The following PCSK5 variants were observed in gnomAD, a reference collection of about 807,000 sequenced individuals.
The protein encoded by PCSK5 is prohormone convertase 5.
PCSK5 carries 129 observed loss-of-function variants against 233.2 expected under a neutral mutation model. The observed-to-expected ratio is 0.55, with a 90% CI of 0.48 to 0.64. The LOEUF is 0.64. Ranked by LOEUF, PCSK5 falls within the 30% of genes least tolerant of loss-of-function variation. The pLI, the probability that PCSK5 is intolerant of heterozygous loss-of-function variation, is 0.00. For synonymous variants in PCSK5, 825 were observed against 879.2 expected (o/e 0.94, Z 1.09); for missense variants, 2,076 against 2,430.1 (o/e 0.85, Z 3.06).
intron 5 of PCSK5, among the ~76,000 whole-genome samples, chr9:76,052,029 C>G (rs1829648841): frequency 6.6e-6 from 1 of 152,144 alleles, no homozygotes; most frequent in South Asian, 2.1e-4. Context: ...GCTCAAGTCT[C>G]ACACCAAAAA....
At chr9:76,156,510 T>A (rs1017337159) in intron 10 of PCSK5, among the ~76,000 whole-genome samples, 1 of 152,256 alleles carries the variant, frequency 6.6e-6, no homozygotes, top group African/African-American at 2.4e-5. Context: ...TGTATGTAAG[T>A]TCTTCTTGCA....
intron 8 of PCSK5, among the ~76,000 whole-genome samples, chr9:76,106,741 C>T (rs1394527622): frequency 6.6e-6 from 1 of 152,216 alleles, no homozygotes; most frequent in East Asian, 1.9e-4. Flanking sequence ...GTTCTTTCTA[C>T]AGCAGAGCAT....
chr9:76,258,184 CA>C, intron 24 of PCSK5, among the ~76,000 whole-genome samples: 1 of 152,164 alleles, frequency 6.6e-6, no homozygotes, highest in Non-Finnish European at 1.5e-5. Flanking sequence ...AAAAGTTTAT[CA>C]GTCTCTCCAA....
chr9:76,327,203 C>G (rs778341734), intron 32 of PCSK5, among the ~76,000 whole-genome samples: 2 of 150,960 alleles, frequency 1.3e-5, no homozygotes, highest in Non-Finnish European at 2.9e-5. Flanking sequence ...ACCTCCTGGG[C>G]TCAGGAGATC....
intron 7 of PCSK5, among the ~76,000 whole-genome samples, chr9:76,072,655 T>C (rs894940326): frequency 6.6e-6 from 1 of 152,220 alleles, no homozygotes; most frequent in African/African-American, 2.4e-5. Flanking sequence ...ATTATTGATC[T>C]GGCCCTAACC....
intron 3 of PCSK5, among the ~76,000 whole-genome samples, chr9:75,992,263 C>G (rs942818742): frequency 2.0e-5 from 3 of 152,238 alleles, no homozygotes; most frequent in Non-Finnish European, 2.9e-5. Flanking sequence ...AGGGGTTTCT[C>G]CCTTGTTGGT....
At chr9:76,187,348 A>G (rs1824153298) in intron 17 of PCSK5, among the ~76,000 whole-genome samples, 1 of 152,084 alleles carries the variant, frequency 6.6e-6, no homozygotes, top group Non-Finnish European at 1.5e-5. Context: ...TTCAGTGAAT[A>G]ATATTTTTTA....
chr9:75,924,609 C>G (rs975911364), intron 1 of PCSK5, among the ~76,000 whole-genome samples: 1 of 152,122 alleles, frequency 6.6e-6, no homozygotes, highest in African/African-American at 2.4e-5. Flanking sequence ...CCCCGCCCCC[C>G]ACTCCCAGAG....
chr9:75,903,150 G>A (rs1440936027), intron 1 of PCSK5, among the ~76,000 whole-genome samples: 1 of 152,050 alleles, frequency 6.6e-6, no homozygotes, highest in Non-Finnish European at 1.5e-5. Flanking sequence ...ACAAAGCTGT[G>A]TTCTGAACAT....
chr9:76,066,211 A>G (rs1184529258), intron 5 of PCSK5, among the ~76,000 whole-genome samples: 2 of 152,156 alleles, frequency 1.3e-5, no homozygotes, highest in Non-Finnish European at 2.9e-5. Context: ...GAATCTGTAG[A>G]TTGCTTTGGG....
chr9:76,047,253 T>C lies in PCSK5; in HGVS notation c.632+20216T>C, dbSNP rs754891865. ...CTGGGACTACAGGCGCCCGCCACCA[T>C]GCCCAGCTAACTTTTTGTATTTTTA... On this transcript the variant is annotated intron_variant, in intron 5 of 37. Coordinates refer to ENST00000674117, the MANE Select transcript of PCSK5 (RefSeq NM_001372043.1). Among the ~76,000 whole-genome samples the C allele has an allele frequency of 9.9e-5, 15 of 151,974 alleles. No homozygotes were observed. The South Asian group carries it at 1.9e-3, about 19-fold the overall frequency.
rs1160890088 is a variant in PCSK5 at position 76,205,787 on chromosome 9, C to T, written c.2626+16041C>T. On this transcript the variant is annotated intron_variant, in intron 20 of 37. Coordinates refer to ENST00000674117, the MANE Select transcript of PCSK5 (RefSeq NM_001372043.1). Reference sequence around the variant, plus strand: ...TACTGAATGATTCAAATCAAACTCACTCTCCAGGTAATCGGCAGAATTTCT... The same window carrying T: ...TACTGAATGATTCAAATCAAACTCATTCTCCAGGTAATCGGCAGAATTTCT... 5.3e-5 allele frequency among the ~76,000 whole-genome samples: 8 copies of T among 152,196 alleles called. No individual in the cohort carries two copies. In the East Asian group the frequency reaches 1.5e-3, roughly 29 times the overall value.
chr9:76,068,694 T>C (rs1438763012), intron 6 of PCSK5, among the ~76,000 whole-genome samples: 1 of 152,182 alleles, frequency 6.6e-6, no homozygotes, highest in Admixed American at 6.5e-5. Context: ...CTCTTAACTT[T>C]CCCATTTGTA....
intron 7 of PCSK5, among the ~76,000 whole-genome samples, chr9:76,089,926 T>A (rs1831216891): frequency 6.6e-6 from 1 of 152,184 alleles, no homozygotes; most frequent in South Asian, 2.1e-4. Context: ...TACAAATTGA[T>A]TTTCATAGGG....
At chr9:76,128,809 A>G (rs1325868138) in intron 9 of PCSK5, among the ~76,000 whole-genome samples, 1 of 152,208 alleles carries the variant, frequency 6.6e-6, no homozygotes, top group Non-Finnish European at 1.5e-5. Context: ...GGGTAATACC[A>G]ATACAACTCA....
At chr9:76,342,276 G>A (rs1277785279) in intron 35 of PCSK5, among the ~76,000 whole-genome samples, 1 of 152,092 alleles carries the variant, frequency 6.6e-6, no homozygotes, top group African/African-American at 2.4e-5. Flanking sequence ...TTATTGCCCA[G>A]CCTCACTCTA....
Position 76,332,465 on chromosome 9 carries a change from T to C in PCSK5, c.4603T>C (p.Tyr1535His), listed in dbSNP as rs776013592. Residue 1535 changes from tyrosine (Y) to histidine (H), a missense_variant, in exon 34 of 38, where the codon TAT (tyrosine) becomes CAT (histidine). Physicochemically the swap from Tyr to His is moderately conservative, Grantham distance 83. Around this residue, in one of 6 missense-constraint regions of PCSK5, gnomAD observed 1,510 missense variants for 1,538.1 expected, o/e 0.98. Transcript: ENST00000674117. ...CTGTGTGAAGGACTGCCCAGAGGGC[T>C]ATTATGCCGATGAGGACAGCAACCG... ...TTCVKDCPEG[Y>H]YADEDSNRCA... 2.5e-6 allele frequency: 4 copies of C among 1,612,732 alleles called. No homozygotes were observed. Among genetic ancestry groups the C allele is most frequent in the Non-Finnish European group, 3.4e-6 (4 of 1,179,750 alleles).
intron 2 of PCSK5, among the ~76,000 whole-genome samples, chr9:75,942,489 T>C (rs552132975): frequency 6.3e-4 from 96 of 152,320 alleles, no homozygotes; most frequent in African/African-American, 2.3e-3. Context: ...TCAAACATTA[T>C]TTCTCTCTGT....
At chr9:76,086,112 G>A (rs749040003) in intron 7 of PCSK5, among the ~76,000 whole-genome samples, 4 of 151,986 alleles carry the variant, frequency 2.6e-5, no homozygotes, top group Non-Finnish European at 4.4e-5. Context: ...CATAAACCTG[G>A]CCCTCCTGAA....
Sources: allele counts gnomAD v4.1 joint callset (sites outside exome capture counted in the v4.1 genomes callset), GRCh38; gene constraint gnomAD v4.1.1; regional missense constraint gnomAD v4.1.1; transcripts MANE v1.5; gene names NCBI Gene and HGNC (gene_info 2026-07-23, HGNC 2026-07-21).